The following GPAM variants were observed in gnomAD, a reference collection of about 807,000 sequenced individuals.
The protein encoded by GPAM is glycerol-3-phosphate acyltransferase, mitochondrial, also known as glycerol-3-phosphate acyltransferase 1, mitochondrial.
In GPAM, 56 loss-of-function variants were observed where a neutral mutation model predicts 105.0. The observed-to-expected ratio is 0.53, with a 90% CI of 0.43 to 0.67. GPAM has a LOEUF of 0.67. GPAM is among the 30% of genes least tolerant of loss of function. GPAM has a pLI of 0.00. For missense variants in GPAM, 855 were observed against 989.8 expected (o/e 0.86, Z 1.83); for synonymous variants, 368 against 354.4 (o/e 1.04, Z -0.43).
At chr10:112,169,976 T>A (rs1397627355) in intron 9 of GPAM, among the ~76,000 whole-genome samples, 1 of 152,216 alleles carries the variant, frequency 6.6e-6, no homozygotes, top group East Asian at 1.9e-4. Context: ...TCTGTCACTG[T>A]CTCCTATCAC....
intron 1 of GPAM, among the ~76,000 whole-genome samples, chr10:112,200,482 G>C (rs1210523045): frequency 1.3e-5 from 2 of 151,904 alleles, no homozygotes; most frequent in African/African-American, 4.8e-5. Flanking sequence ...TGTAGAGACA[G>C]TGTCTCACTA....
chr10:112,194,156 T>C (rs1205562133), intron 1 of GPAM, among the ~76,000 whole-genome samples: 1 of 152,196 alleles, frequency 6.6e-6, no homozygotes, highest in Non-Finnish European at 1.5e-5. Context: ...TGCCTTCGTG[T>C]TTGCCAAGGC....
In GPAM at chr10:112,150,339, T is replaced by C. The variant is rs555670158; in HGVS notation, c.*3211A>G. 2.4e-5 allele frequency: 24 copies of C among 984,904 alleles called. No homozygotes were observed. In the Middle Eastern group the frequency reaches 2.1e-3, roughly 86 times the overall value. The allele number at this position is 984,904 out of a possible 1,614,324, so 61.0% of individuals were successfully genotyped here. A position where few individuals can be genotyped will look rare whatever the true frequency, so the allele number is the denominator to read the frequency against. On this transcript the variant is annotated 3_prime_UTR_variant, in exon 22 of 22. Coordinates refer to ENST00000348367, the MANE Select transcript of GPAM (RefSeq NM_001244949.2). ...GAATTAAAACCTTATTTACCCCAAT[T>C]CATCCATGTATTCTGATACGTTCAG...
Position 112,151,693 on chromosome 10 carries a change from T to A in GPAM, c.*1857A>T. 4.1e-6 allele frequency: 4 copies of A among 985,244 alleles called. No homozygotes were observed. Among genetic ancestry groups the A allele is most frequent in the Non-Finnish European group, 4.8e-6 (4 of 829,830 alleles). The allele number at this position is 985,244 out of a possible 1,614,324, so 61.0% of individuals were successfully genotyped here. A position where few individuals can be genotyped will look rare whatever the true frequency, so the allele number is the denominator to read the frequency against. On this transcript the variant is annotated 3_prime_UTR_variant, in exon 22 of 22. Transcript: ENST00000348367. ...GTGTCGACTGGGAAGCGAGTCCCAATCTTGAATAATGGTGAGCTTGAGTAA... is the reference window on the plus strand; with the variant it reads ...GTGTCGACTGGGAAGCGAGTCCCAAACTTGAATAATGGTGAGCTTGAGTAA...
In GPAM at chr10:112,150,395, C is replaced by A. The variant is rs766448696; in HGVS notation, c.*3155G>T. 13 of 985,690 alleles carry A rather than the reference C, an allele frequency of 1.3e-5. No individual in the cohort carries two copies. The highest frequency in any genetic ancestry group is 1.6e-5 in the Non-Finnish European group (13 of 829,890). 61.1% of individuals were successfully genotyped at this position (985,690 alleles called of 1,614,324 possible). On this transcript the variant is annotated 3_prime_UTR_variant, in exon 22 of 22. Transcript: ENST00000348367. ...AAGCCAGGATCATTGGGGCTGTTCT[C>A]TCTATCAAAGGAAAGAGCTCCGATC...
At chr10:112,215,771 T>C (rs1482393521), upstream of GPAM, among the ~76,000 whole-genome samples, 2 of 152,018 alleles carry the variant, frequency 1.3e-5, no homozygotes, top group Admixed American at 1.3e-4. Flanking sequence ...GGGGTCCCCA[T>C]GGGGTGAGCC....
intron 21 of GPAM, chr10:112,154,366 T>C: frequency 1.9e-6 from 1 of 526,644 alleles, no homozygotes. Context: ...AACATATTGA[T>C]ACCAGTTATA....
At chr10:112,160,132 G>A (rs943372053) in intron 16 of GPAM, 79 bp from the exon 17 acceptor site, 66 of 1,344,262 alleles carry the variant, frequency 4.9e-5, no homozygotes, top group Non-Finnish European at 6.8e-5. Context: ...ATAACCTTAA[G>A]AGATTATTAA....
intron 1 of GPAM, among the ~76,000 whole-genome samples, chr10:112,195,701 G>T (rs1847715409): frequency 6.6e-6 from 1 of 152,120 alleles, no homozygotes; most frequent in Non-Finnish European, 1.5e-5. Context: ...TACATTCCTA[G>T]TACCTGACGG....
chr10:112,160,769 C>A lies in GPAM; in HGVS notation c.1594G>T (p.Val532Leu), dbSNP rs754639470. 3.1e-6 allele frequency: 5 copies of A among 1,613,968 alleles called. No individual in the cohort carries two copies. Among genetic ancestry groups the A allele is most frequent in the Non-Finnish European group, 1.7e-6 (2 of 1,179,954 alleles). Reference sequence around the variant, plus strand: ...AGCAGCTGTATGGCATGCATTACTACATCTTCTGAATTTCCTGAGAACCCC... The same window carrying A: ...AGCAGCTGTATGGCATGCATTACTAAATCTTCTGAATTTCCTGAGAACCCC... Reference protein sequence around the residue: ...DLGFSGNSEDVVMHAIQLLGN... With the variant: ...DLGFSGNSEDLVMHAIQLLGN... The change falls in exon 16 of 22, where the codon GTA (valine) becomes TTA (leucine). Residue 532 changes from valine to leucine, a missense_variant. Transcript: ENST00000348367.
chr10:112,222,898 T>C, the GPAM span, among the ~76,000 whole-genome samples: 1 of 151,906 alleles, frequency 6.6e-6, no homozygotes, highest in East Asian at 1.9e-4. Context: ...ACTGTTTAGA[T>C]TCCCCTTCAA....
chr10:112,164,048 C>T (rs1372188206), intron 13 of GPAM, among the ~76,000 whole-genome samples: 1 of 152,128 alleles, frequency 6.6e-6, no homozygotes, highest in Non-Finnish European at 1.5e-5. Context: ...ACTTCCAAAA[C>T]CACTGGCAGA....
chr10:112,173,173 C>A, intron 7 of GPAM, 107 bp from the exon 8 acceptor site: 2 of 733,074 alleles, frequency 2.7e-6, no homozygotes, highest in Non-Finnish European at 5.0e-6. Flanking sequence ...GGACCTACAA[C>A]CTCAAAGTAC....
At chr10:112,165,688 G>A (rs560172157) in intron 12 of GPAM, among the ~76,000 whole-genome samples, 6 of 151,858 alleles carry the variant, frequency 4.0e-5, no homozygotes, top group South Asian at 2.1e-4. Context: ...ATGAAACTCC[G>A]TCTCAAAAAA....
chr10:112,183,560 G>C (rs1199788829), intron 1 of GPAM, 133 bp downstream of exon 1: 2 of 152,392 alleles, frequency 1.3e-5, no homozygotes, highest in Non-Finnish European at 2.9e-5. Context: ...GAAGACCGGA[G>C]CTCGGGTGTC....
intron 14 of GPAM, 105 bp from the exon 15 acceptor site, chr10:112,161,842 G>A: frequency 1.2e-6 from 1 of 809,226 alleles, no homozygotes. Flanking sequence ...AACTGTGAAA[G>A]TCTTCTATCA....
intron 1 of GPAM, among the ~76,000 whole-genome samples, 164 bp from the exon 2 acceptor site, chr10:112,183,055 GAGA>G (rs1413765241): frequency 6.6e-6 from 1 of 152,248 alleles, no homozygotes; most frequent in Non-Finnish European, 1.5e-5. Context: ...CATGCGCTGA[GAGA>G]AGCTGACTAG....
intron 1 of GPAM, among the ~76,000 whole-genome samples, chr10:112,195,569 C>T (rs1180012780): frequency 6.6e-6 from 1 of 152,092 alleles, no homozygotes. Context: ...TAAGGCAGGC[C>T]CCTTTCTTAA....
In GPAM at chr10:112,151,353, G is replaced by A. The variant is rs920973367; in HGVS notation, c.*2197C>T. The stretch of plus-strand genomic sequence containing the variant: ...TTTGTTTTTTGTTTTCAGTCATGAG[G>A]CACTGAAGAATGAGTTGTGCTGAAA... On this transcript the variant is annotated 3_prime_UTR_variant, in exon 22 of 22. Transcript: ENST00000348367. 3.7e-5 allele frequency: 36 copies of A among 985,596 alleles called. No individual in the cohort carries two copies. Among genetic ancestry groups the A allele is most frequent in the Non-Finnish European group, 4.0e-5 (33 of 829,734 alleles). The allele number at this position is 985,596 out of a possible 1,614,324, so 61.1% of individuals were successfully genotyped here.
Sources: gnomAD v4.1 joint callset for allele counts (sites outside exome capture counted in the v4.1 genomes callset) on GRCh38, gnomAD v4.1.1 for gene constraint, MANE v1.5 for transcripts, NCBI Gene and HGNC (gene_info 2026-07-23, HGNC 2026-07-21) for gene names.